MYPOP: variants seen among roughly 807,000 people sequenced by gnomAD.
MYPOP encodes the protein myb-related transcription factor, partner of profilin.
MYPOP carries 21 observed loss-of-function variants against 25.7 expected under a neutral mutation model. The observed-to-expected ratio is 0.82, with a 90% CI of 0.58 to 1.18. The LOEUF (loss-of-function observed/expected upper bound fraction) is 1.18, where lower values mean the gene tolerates loss of function less well. Among genes scored for constraint, MYPOP ranks in the 50% most tolerant of loss-of-function variants. MYPOP has a pLI of 0.00. For synonymous variants in MYPOP, 280 were observed against 247.9 expected, an observed-to-expected ratio of 1.13 and a Z score of -1.22; for missense variants, 566 against 588.3, an observed-to-expected ratio of 0.96 and a Z score of 0.39.
In MYPOP at chr19:45,891,302, G is replaced by A. The variant is rs760728161; in HGVS notation, c.521C>T (p.Ala174Val). The stretch of plus-strand genomic sequence containing the variant: ...CCATGGCTCCGGGCTGCTGGAGCCC[G>A]CCTTGCTGTGGGCTGATGTATCTGT... ...RRADTSAHSK[A>V]GSSSPEPWAR... The change falls in exon 3 of 3, where the codon GCG becomes GTG. Residue 174 changes from alanine (A) to valine (V), a missense_variant. Ala to Val is a moderately conservative substitution (Grantham distance 64). Coordinates refer to ENST00000322217, the MANE Select transcript of MYPOP (RefSeq NM_001012643.4). 26 of 1,533,276 alleles carry A rather than the reference G, an allele frequency of 1.7e-5. No homozygotes were observed. In the East Asian group the frequency reaches 3.2e-4, roughly 19 times the overall value. 95.0% of individuals were successfully genotyped at this position (1,533,276 alleles called of 1,614,324 possible).
chr19:45,900,081 C>T (rs1967265290), intron 2 of MYPOP, among the ~76,000 whole-genome samples: 1 of 152,172 alleles, frequency 6.6e-6, no homozygotes, highest in Non-Finnish European at 1.5e-5. Flanking sequence ...ATGAACCTCT[C>T]TGAATCACAT....
chr19:45,891,071 G>T lies in MYPOP; in HGVS notation c.752C>A (p.Pro251His). Residue 251 changes from proline (P) to histidine (H), a missense_variant, in exon 3 of 3, where the codon CCC becomes CAC. Coordinates refer to ENST00000322217, the MANE Select transcript of MYPOP (RefSeq NM_001012643.4). ...GGAGGGGTCTGAGGCCGAGAGCGTG[G>T]GTGGAGGCCGAGGAGGGGGTGGGGG... ...PSPPPPPRPP[P>H]TLSASDPSLD... The T allele has an allele frequency of 6.7e-7, 1 of 1,491,076 alleles. No individual in the cohort carries two copies. The highest frequency in any genetic ancestry group is 2.5e-5 in the East Asian group (1 of 39,860). The allele number at this position is 1,491,076 out of a possible 1,614,324, so 92.4% of individuals were successfully genotyped here. A position where few individuals can be genotyped will look rare whatever the true frequency, so the allele number is the denominator to read the frequency against.
In MYPOP at chr19:45,901,380, C is replaced by A; in HGVS notation, c.394G>T (p.Gly132Trp). 1 of 1,503,672 alleles carries A rather than the reference C, an allele frequency of 6.7e-7. No homozygotes were observed. Among genetic ancestry groups the A allele is most frequent in the Admixed American group, 2.2e-5 (1 of 44,918 alleles). 93.1% of individuals were successfully genotyped at this position (1,503,672 alleles called of 1,614,324 possible). Residue 132 changes from glycine to tryptophan, a missense_variant, in exon 2 of 3, where the codon GGG becomes TGG. Physicochemically the swap from Gly to Trp is radical, Grantham distance 184. Coordinates refer to ENST00000322217, the MANE Select transcript of MYPOP (RefSeq NM_001012643.4). This position sits in a 1 kb window ranked among gnomAD's most constrained non-coding sequence, Gnocchi z 5.7. ...GGGGCCGCAGGGGGCTCCTCCGCCC[C>A]AGCACCTGCCCCCGGCGCCGCCACA... ...PGVAAPGAGA[G>W]AEEPPAAPSS...
At chr19:45,892,112 G>T (rs1257313852) in intron 2 of MYPOP, among the ~76,000 whole-genome samples, 5 of 151,786 alleles carry the variant, frequency 3.3e-5, no homozygotes, top group Non-Finnish European at 5.9e-5. Flanking sequence ...GTAGAGATGG[G>T]GTTTTGCCAT....
At position 45,890,929 on chromosome 19, in the gene MYPOP, C is replaced by A; in HGVS notation, c.894G>T (p.Leu298=). 1 of 1,446,284 alleles carries A rather than the reference C, an allele frequency of 6.9e-7. No individual in the cohort carries two copies. Among genetic ancestry groups the A allele is most frequent in the Non-Finnish European group, 9.1e-7 (1 of 1,100,844 alleles). 89.6% of individuals were successfully genotyped at this position (1,446,284 alleles called of 1,614,324 possible). The change falls in exon 3 of 3, where the codon CTG becomes CTT. Residue 298 remains leucine (L), a synonymous_variant. Coordinates refer to ENST00000322217, the MANE Select transcript of MYPOP (RefSeq NM_001012643.4). ...SEALSALLPL[L]PGTPVDSLPP... is the part of the protein sequence containing the mutation. The stretch of plus-strand genomic sequence containing the variant: ...GCAGGGAGTCAACTGGGGTTCCTGG[C>A]AGAAGGGGCAGCAGAGCGCTGAGGG...
intron 2 of MYPOP, among the ~76,000 whole-genome samples, chr19:45,898,084 C>T (rs1967232343): frequency 6.6e-6 from 1 of 151,520 alleles, no homozygotes; most frequent in African/African-American, 2.4e-5. Flanking sequence ...CCACCACGTC[C>T]AGCTAATTTT....
intron 2 of MYPOP, among the ~76,000 whole-genome samples, chr19:45,895,247 CTTCTT>C (rs950116647): frequency 1.3e-5 from 2 of 151,380 alleles, no homozygotes; most frequent in Non-Finnish European, 2.9e-5. Context: ...ATCAGGCCTA[CTTCTT>C]TTCTTTTTTT....
chr19:45,890,501 T>G lies in MYPOP; in HGVS notation c.*122A>C. The stretch of plus-strand genomic sequence containing the variant: ...ATCAGGCACTAACTAGCACAGGGAG[T>G]GGGTGCTCACATCCCTGGAGCAGGG... On this transcript the variant is annotated 3_prime_UTR_variant, in exon 3 of 3. Transcript: ENST00000322217. 4 of 1,438,376 alleles carry G rather than the reference T, an allele frequency of 2.8e-6. No individual in the cohort carries two copies. Among genetic ancestry groups the G allele is most frequent in the South Asian group, 1.4e-5 (1 of 71,682 alleles). 89.1% of individuals were successfully genotyped at this position (1,438,376 alleles called of 1,614,324 possible).
chr19:45,900,792 A>G (rs1017333411), intron 2 of MYPOP, among the ~76,000 whole-genome samples: 2 of 152,234 alleles, frequency 1.3e-5, no homozygotes, highest in African/African-American at 4.8e-5. Context: ...GATTCTATCA[A>G]GAACTAACAA....
chr19:45,896,967 G>C (rs139686087), intron 2 of MYPOP, among the ~76,000 whole-genome samples: 8 of 152,110 alleles, frequency 5.3e-5, no homozygotes, highest in Admixed American at 4.6e-4. Context: ...TATTGCCCAG[G>C]CTGGTCTCAA....
chr19:45,899,118 C>T (rs372452388), intron 2 of MYPOP, among the ~76,000 whole-genome samples: 12 of 152,240 alleles, frequency 7.9e-5, no homozygotes, highest in African/African-American at 2.4e-4. Context: ...CTCGGCTACT[C>T]GGGAGGATGA....
At chr19:45,902,043 G>T (rs1319048745) in intron 1 of MYPOP, among the ~76,000 whole-genome samples, 11 of 151,310 alleles carry the variant, frequency 7.3e-5, no homozygotes, top group Admixed American at 7.2e-4. Context: ...GAAGTGCCAC[G>T]CTGAAGAGTT....
intron 2 of MYPOP, among the ~76,000 whole-genome samples, chr19:45,894,261 C>T (rs1255453522): frequency 1.3e-5 from 2 of 151,148 alleles, no homozygotes; most frequent in East Asian, 2.0e-4. Flanking sequence ...TACAGGTGCC[C>T]TCCACCACGC....
In MYPOP at chr19:45,901,705, T is replaced by G; in HGVS notation, c.69A>C (p.Glu23Asp). The change falls in exon 2 of 3, where the codon GAA becomes GAC. Residue 23 changes from glutamate (E) to aspartate (D), a missense_variant. By Grantham distance (45) the Glu-to-Asp change is conservative. Coordinates refer to ENST00000322217, the MANE Select transcript of MYPOP (RefSeq NM_001012643.4). This position sits in a 1 kb window ranked among gnomAD's most constrained non-coding sequence, Gnocchi z 5.7. ...TRLRKPRFSF[E>D]ENQILIREVR... is the part of the protein sequence containing the mutation. ...CCTCGCGGATCAGGATCTGGTTCTC[T>G]TCGAATGAGAAGCGCGGCTTGCGCA... is the stretch of plus-strand genomic sequence containing the variant. The G allele has an allele frequency of 1.9e-6, 3 of 1,590,908 alleles. No homozygotes were observed. The highest frequency in any genetic ancestry group is 2.6e-6 in the Non-Finnish European group (3 of 1,171,216).
Position 45,901,113 on chromosome 19 carries a change from G to T in MYPOP, c.499+162C>A, listed in dbSNP as rs1472465726. On this transcript the variant is annotated intron_variant, in intron 2 of 2. Coordinates refer to ENST00000322217, the MANE Select transcript of MYPOP (RefSeq NM_001012643.4). The surrounding 1 kb of genome is among the most constrained non-coding windows in gnomAD (Gnocchi z 5.7). ...TGGCTCTTGACAGTTACTAGCTATC[G>T]GAACTGAGGCAAGTCATTTCATTTT... 2.0e-5 allele frequency among the ~76,000 whole-genome samples: 3 copies of T among 152,172 alleles called. No individual in the cohort carries two copies. The East Asian group carries it at 5.8e-4, about 29-fold the overall frequency.
chr19:45,891,442 CCG>C (rs1967125331), intron 2 of MYPOP, 119 bp from the exon 3 acceptor site: 1 of 1,224,290 alleles, frequency 8.2e-7, no homozygotes, highest in African/African-American at 1.6e-5. Context: ...CTTCTCACCC[CCG>C]CCCCCCAGCC....
intron 2 of MYPOP, among the ~76,000 whole-genome samples, chr19:45,893,789 CTTT>C (rs60440195): frequency 7.4e-5 from 10 of 134,860 alleles, no homozygotes; most frequent in Non-Finnish European, 9.6e-5. Context: ...TTTTATTTTA[CTTT>C]TTTTTTTTTT....
intron 2 of MYPOP, among the ~76,000 whole-genome samples, chr19:45,892,706 A>G (rs1335604968): frequency 6.6e-6 from 1 of 152,006 alleles, no homozygotes; most frequent in Non-Finnish European, 1.5e-5. Context: ...CACCATCCAC[A>G]TACAGAAGCT....
At position 45,890,277 on chromosome 19, in the gene MYPOP, C is replaced by G. The variant is rs1315675246; in HGVS notation, c.*346G>C. Reference sequence around the variant, plus strand: ...GGGGAGTCCCCCACGGGTCAATTCTCTTCAAGTCAAGAACAGGAACTGTTA... The same window carrying G: ...GGGGAGTCCCCCACGGGTCAATTCTGTTCAAGTCAAGAACAGGAACTGTTA... On this transcript the variant is annotated 3_prime_UTR_variant, in exon 3 of 3. Transcript: ENST00000322217. 4.5e-6 allele frequency: 1 copy of G among 223,974 alleles called. No homozygotes were observed. Among genetic ancestry groups the G allele is most frequent in the East Asian group, 9.9e-5 (1 of 10,152 alleles). The allele number at this position is 223,974 out of a possible 1,614,324, so 13.9% of individuals were successfully genotyped here.
Sources: allele counts gnomAD v4.1 joint callset (sites outside exome capture counted in the v4.1 genomes callset), GRCh38; gene constraint gnomAD v4.1.1; non-coding constraint Gnocchi (gnomAD v3.1); transcripts MANE v1.5; gene names NCBI Gene and HGNC (gene_info 2026-07-23, HGNC 2026-07-21).